The following GALNTL6 variants were observed in gnomAD, a reference collection of about 807,000 sequenced individuals.
GALNTL6 encodes the protein polypeptide N-acetylgalactosaminyltransferase like 6, also known as polypeptide N-acetylgalactosaminyltransferase-like 6.
A neutral mutation model predicts 73.7 loss-of-function variants in GALNTL6; 46 were observed. The observed-to-expected ratio is 0.62, with a 90% CI of 0.49 to 0.80. GALNTL6 has a LOEUF of 0.80. GALNTL6 is among the 30% of genes least tolerant of loss of function. The pLI is 0.00. For synonymous variants in GALNTL6, 259 were observed against 263.7 expected (o/e 0.98, Z 0.17); for missense variants, 604 against 755.0 (o/e 0.80, Z 2.34).
intron 2 of GALNTL6, among the ~76,000 whole-genome samples, chr4:171,924,819 T>C (rs1379806015): frequency 6.6e-6 from 1 of 152,160 alleles, no homozygotes; most frequent in Non-Finnish European, 1.5e-5. Flanking sequence ...TTGTATCAAC[T>C]ATAACAAATT....
At chr4:172,221,681 T>G (rs920893242) in intron 2 of GALNTL6, among the ~76,000 whole-genome samples, 5 of 151,768 alleles carry the variant, frequency 3.3e-5, no homozygotes, top group African/African-American at 1.2e-4. Context: ...CTACAAGGTA[T>G]GCAGCTGCAT....
chr4:171,916,272 A>G (rs1408150212), intron 2 of GALNTL6, among the ~76,000 whole-genome samples: 2 of 152,046 alleles, frequency 1.3e-5, no homozygotes, highest in African/African-American at 4.8e-5. Context: ...AAAAGCAAAT[A>G]CTTTGCAGAC....
chr4:171,985,824 G>A (rs1740056323), intron 2 of GALNTL6, among the ~76,000 whole-genome samples: 1 of 151,482 alleles, frequency 6.6e-6, no homozygotes, highest in South Asian at 2.1e-4. Flanking sequence ...TGGATCACAA[G>A]GTCAGGAGTT....
intron 5 of GALNTL6, chr4:172,668,828 G>A (rs1054505066): frequency 6.6e-6 from 1 of 152,078 alleles, no homozygotes; most frequent in African/African-American, 2.4e-5. Context: ...ATAAGATGAG[G>A]GGAGTGCAGC....
intron 2 of GALNTL6, among the ~76,000 whole-genome samples, chr4:171,973,963 C>G (rs4146320): frequency 0.92 from 139,430 of 152,198 alleles, 64,950 homozygotes; most frequent in Non-Finnish European, 1. Flanking sequence ...TTCTTATAAT[C>G]AGACATTTTG....
intron 10 of GALNTL6, among the ~76,000 whole-genome samples, chr4:173,005,156 A>T (rs930335056): frequency 1.3e-5 from 2 of 151,970 alleles, no homozygotes; most frequent in African/African-American, 4.8e-5. Context: ...GAACTCCTTT[A>T]CTCTCTGCCA....
At chr4:172,007,393 G>A (rs963985663) in intron 2 of GALNTL6, among the ~76,000 whole-genome samples, 9 of 152,006 alleles carry the variant, frequency 5.9e-5, no homozygotes, top group Non-Finnish European at 1.0e-4. Flanking sequence ...TATAGCAACT[G>A]TTATCAGGAC....
At chr4:172,656,397 A>G (rs1327142731) in intron 5 of GALNTL6, among the ~76,000 whole-genome samples, 1 of 152,220 alleles carries the variant, frequency 6.6e-6, no homozygotes, top group Non-Finnish European at 1.5e-5. Context: ...GTTTTATTAC[A>G]TAAAAGTTGA....
chr4:171,845,619 C>T (rs1560810844), intron 2 of GALNTL6, among the ~76,000 whole-genome samples: 1 of 152,114 alleles, frequency 6.6e-6, no homozygotes, highest in African/African-American at 2.4e-5. Context: ...GTGCTCTCTA[C>T]AACCGATTTT....
At chr4:172,864,823 T>A (rs1205638435) in intron 7 of GALNTL6, among the ~76,000 whole-genome samples, 1 of 152,222 alleles carries the variant, frequency 6.6e-6, no homozygotes, top group African/African-American at 2.4e-5. Flanking sequence ...TTTCTATCTT[T>A]ACTATGTTTG....
chr4:171,883,875 C>A (rs1736532569), intron 2 of GALNTL6, among the ~76,000 whole-genome samples: 1 of 151,924 alleles, frequency 6.6e-6, no homozygotes, highest in Admixed American at 6.6e-5. Flanking sequence ...TCTCAATCTC[C>A]TAACCTTGTG....
chr4:172,014,040 A>G (rs1741107393), intron 2 of GALNTL6, among the ~76,000 whole-genome samples: 1 of 152,050 alleles, frequency 6.6e-6, no homozygotes. Context: ...GTTTTTGCAA[A>G]TGACAGGATT....
At chr4:172,647,289 A>G (rs533275841) in intron 5 of GALNTL6, among the ~76,000 whole-genome samples, 9 of 152,240 alleles carry the variant, frequency 5.9e-5, no homozygotes, top group African/African-American at 2.2e-4. Flanking sequence ...TGGCTTTTCA[A>G]TATGTTCCCC....
At chr4:172,287,674 A>T (rs892888047) in intron 3 of GALNTL6, among the ~76,000 whole-genome samples, 2 of 152,174 alleles carry the variant, frequency 1.3e-5, no homozygotes, top group Admixed American at 6.5e-5. Context: ...TTCCCCTTTC[A>T]TTCTGCACTT....
chr4:171,866,948 A>G (rs1735986699), intron 2 of GALNTL6, among the ~76,000 whole-genome samples: 10 of 152,212 alleles, frequency 6.6e-5, no homozygotes, highest in Admixed American at 6.5e-4. Context: ...TTGTATAATT[A>G]CAGGTATTTA....
intron 5 of GALNTL6, among the ~76,000 whole-genome samples, chr4:172,631,160 T>TA (rs1282773529): frequency 1.3e-5 from 2 of 151,876 alleles, no homozygotes; most frequent in Non-Finnish European, 2.9e-5. Flanking sequence ...TTTTTTTTTT[T>TA]AAATGGAGTC....
chr4:172,483,905 G>A (rs1393682749), intron 5 of GALNTL6, among the ~76,000 whole-genome samples: 6 of 152,148 alleles, frequency 3.9e-5, no homozygotes, highest in Admixed American at 3.9e-4. Context: ...TATAAATAAT[G>A]TAAGGGGCAG....
chr4:172,104,040 T>C (rs1732603338), intron 2 of GALNTL6, among the ~76,000 whole-genome samples: 1 of 151,772 alleles, frequency 6.6e-6, no homozygotes, highest in Non-Finnish European at 1.5e-5. Context: ...GCCTCCTGGG[T>C]TCACGCCATT....
chr4:172,915,852 T>C (rs983445197), intron 8 of GALNTL6, among the ~76,000 whole-genome samples: 5 of 152,144 alleles, frequency 3.3e-5, no homozygotes, highest in African/African-American at 1.2e-4. Context: ...TCTGAAACTA[T>C]TCCAAAAAAT....
Sources: allele counts gnomAD v4.1 joint callset (sites outside exome capture counted in the v4.1 genomes callset), GRCh38; gene constraint gnomAD v4.1.1; transcripts MANE v1.5; gene names NCBI Gene and HGNC (gene_info 2026-07-23, HGNC 2026-07-21).